CSMD1: variants seen among roughly 807,000 people sequenced by gnomAD.
CSMD1 encodes the protein CUB and sushi domain-containing protein 1.
A neutral mutation model predicts 417.5 loss-of-function variants in CSMD1; 213 were observed. The observed-to-expected ratio is 0.51, with a 90% CI of 0.46 to 0.57. The LOEUF is 0.57. Among genes scored for constraint, CSMD1 ranks in the 20% least tolerant of loss-of-function variants. The pLI, the probability that CSMD1 is intolerant of heterozygous loss-of-function variation, is 0.00. For missense variants in CSMD1, 6,923 were observed against 4,529.7 expected, an observed-to-expected ratio of 1.53 and a Z score of -15.17; for synonymous variants, 2,862 against 1,736.8, an observed-to-expected ratio of 1.65 and a Z score of -16.11.
chr8:4,671,989 A>C (rs1332108389), intron 1 of CSMD1, among the ~76,000 whole-genome samples: 3 of 152,188 alleles, frequency 2.0e-5, no homozygotes, highest in Non-Finnish European at 4.4e-5. Flanking sequence ...TTCTCAGAAC[A>C]TCCAGCATGG....
chr8:3,241,197 A>G (rs927114786), intron 26 of CSMD1, among the ~76,000 whole-genome samples: 1 of 151,482 alleles, frequency 6.6e-6, no homozygotes, highest in African/African-American at 2.4e-5. Context: ...CTAATAAGGG[A>G]ACTGGGCAGG....
chr8:4,249,890 A>G (rs1252005295), intron 3 of CSMD1, among the ~76,000 whole-genome samples: 2 of 152,172 alleles, frequency 1.3e-5, no homozygotes, highest in African/African-American at 2.4e-5. Flanking sequence ...ATCCCCAATG[A>G]GGCAGTGCTA....
At chr8:4,113,693 C>T (rs558356524) in intron 3 of CSMD1, among the ~76,000 whole-genome samples, 1 of 152,084 alleles carries the variant, frequency 6.6e-6, no homozygotes, top group Non-Finnish European at 1.5e-5. Flanking sequence ...CATGAGCCAC[C>T]GCGCCCAGCC....
At chr8:3,411,264 C>G (rs554703261) in intron 12 of CSMD1, among the ~76,000 whole-genome samples, 29 of 152,272 alleles carry the variant, frequency 1.9e-4, no homozygotes, top group African/African-American at 6.5e-4. Flanking sequence ...ATTGGTTTTA[C>G]TTTTAGAATT....
intron 23 of CSMD1, among the ~76,000 whole-genome samples, chr8:3,333,278 G>C (rs1807028472): frequency 6.6e-6 from 1 of 152,008 alleles, no homozygotes; most frequent in Non-Finnish European, 1.5e-5. Context: ...CGGATGCTGT[G>C]AGATAAGAAA....
intron 5 of CSMD1, among the ~76,000 whole-genome samples, chr8:3,790,695 A>T (rs929183130): frequency 6.6e-6 from 1 of 152,112 alleles, no homozygotes; most frequent in African/African-American, 2.4e-5. Context: ...TATCTTTTTG[A>T]TATCTAGATA....
At chr8:4,057,516 G>C (rs1798757972) in intron 3 of CSMD1, among the ~76,000 whole-genome samples, 2 of 152,068 alleles carry the variant, frequency 1.3e-5, no homozygotes, top group Admixed American at 6.6e-5. Context: ...TTGTTTTGCT[G>C]TGCAGAAGCT....
At chr8:4,748,714 T>C (rs771937300) in intron 1 of CSMD1, among the ~76,000 whole-genome samples, 3 of 152,244 alleles carry the variant, frequency 2.0e-5, no homozygotes, top group African/African-American at 7.2e-5. Context: ...GAGTTGCAGA[T>C]ATTCAAAGAA....
rs551464306 is a variant in CSMD1, at chr8:3,825,912, C to T, written c.819-71870G>A. On this transcript the variant is annotated intron_variant, in intron 5 of 69. Coordinates refer to ENST00000635120, the MANE Select transcript of CSMD1 (RefSeq NM_033225.6). ...AGGTATCATGACAAAATCAGACATGCAGGTAAGAATTCATTTTGATAAATT... is the reference window on the plus strand; with the variant it reads ...AGGTATCATGACAAAATCAGACATGTAGGTAAGAATTCATTTTGATAAATT... Among the ~76,000 whole-genome samples, 133 of 152,318 alleles carry T rather than the reference C, an allele frequency of 8.7e-4. 2 individuals carry two copies. Among genetic ancestry groups the T allele is most frequent in the African/African-American group, 3.1e-3 (130 of 41,574 alleles).
chr8:4,600,827 A>G (rs1220291045), intron 2 of CSMD1, among the ~76,000 whole-genome samples: 4 of 152,188 alleles, frequency 2.6e-5, no homozygotes, highest in African/African-American at 7.2e-5. Flanking sequence ...ACAAACTTAC[A>G]TATCTAAAGA....
intron 1 of CSMD1, among the ~76,000 whole-genome samples, chr8:4,647,584 T>C (rs188628340): frequency 6.6e-6 from 1 of 150,498 alleles, no homozygotes; most frequent in African/African-American, 2.4e-5. Flanking sequence ...CCCCCCAATA[T>C]GTCCTGGTGT....
At chr8:3,075,538 C>T (rs184948433) in intron 49 of CSMD1, among the ~76,000 whole-genome samples, 14 of 151,986 alleles carry the variant, frequency 9.2e-5, no homozygotes, top group African/African-American at 2.7e-4. Context: ...ACCTAGGCCT[C>T]CCAAAGTGCT....
intron 20 of CSMD1, among the ~76,000 whole-genome samples, chr8:3,366,415 AT>A (rs1809570401): frequency 6.6e-6 from 1 of 152,236 alleles, no homozygotes; most frequent in South Asian, 2.1e-4. Context: ...TCATAGAACT[AT>A]ACAAATTAAA....
intron 1 of CSMD1, among the ~76,000 whole-genome samples, chr8:4,943,668 C>T (rs955247207): frequency 2.0e-5 from 3 of 152,136 alleles, no homozygotes; most frequent in Non-Finnish European, 4.4e-5. Flanking sequence ...CTATCTAGAA[C>T]TTTGCAGACT....
chr8:3,853,903 A>ATTAAAGTATAATAATGTATTATACT (rs1804101274), intron 5 of CSMD1, among the ~76,000 whole-genome samples: 1 of 146,610 alleles, frequency 6.8e-6, no homozygotes, highest in African/African-American at 2.5e-5. Flanking sequence ...ACTTTAATAT[A>ATTAAAGTATAATAATGTATTATACT]TTAATACATT....
intron 1 of CSMD1, among the ~76,000 whole-genome samples, chr8:4,960,594 C>A (rs550945259): frequency 6.6e-6 from 1 of 152,132 alleles, no homozygotes. Context: ...TAGAATAATG[C>A]CAGTGCATAC....
At position 3,157,972 on chromosome 8, in the gene CSMD1, TAAAAGAAAAC is replaced by T. The variant is rs1563095458; in HGVS notation, c.5845-16_5845-7del. On this transcript the variant is annotated splice_region_variant and splice_polypyrimidine_tract_variant and intron_variant, in intron 38 of 69. Coordinates refer to ENST00000635120, the MANE Select transcript of CSMD1 (RefSeq NM_033225.6). The stretch of plus-strand genomic sequence containing the variant: ...CAGGAAATGTGGGAACGGCCCTGTT[TAAAAGAAAAC>T]AAAAGAAAATACATATAACTAAAAA... 7 of 1,551,926 alleles carry T rather than the reference TAAAAGAAAAC, an allele frequency of 4.5e-6. No homozygotes were observed. Among genetic ancestry groups the T allele is most frequent in the East Asian group, 4.9e-5 (2 of 40,958 alleles).
chr8:3,951,097 G>A (rs1343272587), intron 5 of CSMD1, among the ~76,000 whole-genome samples: 2 of 152,186 alleles, frequency 1.3e-5, no homozygotes, highest in African/African-American at 4.8e-5. Flanking sequence ...ACATTAATCT[G>A]AAAGAATATA....
intron 3 of CSMD1, among the ~76,000 whole-genome samples, chr8:4,166,253 G>T (rs986759601): frequency 6.6e-6 from 1 of 152,034 alleles, no homozygotes; most frequent in Non-Finnish European, 1.5e-5. Context: ...ATATCAATAT[G>T]CATTTGATAT....
Sources: gnomAD v4.1 joint callset for allele counts (sites outside exome capture counted in the v4.1 genomes callset) on GRCh38, gnomAD v4.1.1 for gene constraint, MANE v1.5 for transcripts, NCBI Gene and HGNC (gene_info 2026-07-23, HGNC 2026-07-21) for gene names.